Variants in OPN3 observed in about 807,000 individuals in gnomAD.
OPN3 encodes opsin 3.
A neutral mutation model predicts 33.8 loss-of-function variants in OPN3; 29 were observed. That is an observed-to-expected ratio of 0.86 (90% confidence interval 0.64 to 1.17). The LOEUF (loss-of-function observed/expected upper bound fraction) is 1.17. Among genes scored for constraint, OPN3 ranks in the 50% most tolerant of loss-of-function variants. The pLI, the probability that OPN3 is intolerant of heterozygous loss-of-function variation, is 0.00. For missense variants in OPN3, 437 were observed against 514.1 expected (o/e 0.85, Z 1.45); for synonymous variants, 216 against 216.1 (o/e 1.00, Z 0.00).
intron 1 of OPN3, 110 bp downstream of exon 1, chr1:241,639,772 C>G (rs1665042915): frequency 2.8e-5 from 29 of 1,017,930 alleles, no homozygotes; most frequent in Non-Finnish European, 3.6e-5. Flanking sequence ...GGCGCGGGGC[C>G]GAGCGGGAAG....
At chr1:241,634,839 G>A (rs748539866) in intron 1 of OPN3, 6 of 1,612,528 alleles carry the variant, frequency 3.7e-6, no homozygotes, top group Non-Finnish European at 5.1e-6. Flanking sequence ...TCATCAGGAT[G>A]TTGTTCATAC....
chr1:241,618,008 A>T (rs1031656913), intron 1 of OPN3, among the ~76,000 whole-genome samples: 2 of 143,702 alleles, frequency 1.4e-5, no homozygotes, highest in African/African-American at 4.9e-5. Flanking sequence ...AGAACTAAAA[A>T]AAATAAATAA....
chr1:241,637,111 G>C (rs1664927731), intron 1 of OPN3, among the ~76,000 whole-genome samples: 1 of 152,198 alleles, frequency 6.6e-6, no homozygotes, highest in African/African-American at 2.4e-5. Context: ...TTAGGCTAAA[G>C]CAACAATACT....
At chr1:241,633,784 G>A (rs750635085) in intron 1 of OPN3, 14 of 1,612,432 alleles carry the variant, frequency 8.7e-6, no homozygotes, top group East Asian at 2.2e-5. Flanking sequence ...AGCATTTCGA[G>A]ATTGCTCTTT....
intron 1 of OPN3, among the ~76,000 whole-genome samples, chr1:241,607,781 AAAGG>A (rs1342130733): frequency 6.6e-6 from 1 of 151,700 alleles, no homozygotes; most frequent in Non-Finnish European, 1.5e-5. Flanking sequence ...AGGAAGGAAG[AAAGG>A]AAGGAAGGGA....
intron 1 of OPN3, chr1:241,635,332 T>C: frequency 2.5e-6 from 4 of 1,614,050 alleles, no homozygotes; most frequent in Middle Eastern, 1.6e-4. Context: ...TAAAATACGA[T>C]AACTGGCTTT....
In OPN3 at chr1:241,593,330, G is replaced by T; in HGVS notation, c.*1098C>A. 2.4e-6 allele frequency: 1 copy of T among 420,382 alleles called. No homozygotes were observed. The highest frequency in any genetic ancestry group is 5.2e-6 in the Non-Finnish European group (1 of 191,710). The allele number at this position is 420,382 out of a possible 1,614,324, so 26.0% of individuals were successfully genotyped here. On this transcript the variant is annotated 3_prime_UTR_variant, in exon 4 of 4. Transcript: ENST00000366554. ...CTTGATTTTTAAAAGCACATTTAGT[G>T]AAATGTTTTCTTTGGTTCATCCTTC... is the stretch of plus-strand genomic sequence containing the variant.
At chr1:241,634,783 AGTTTTT>A (rs1664811966) in intron 1 of OPN3, 2 of 1,613,936 alleles carry the variant, frequency 1.2e-6, no homozygotes, top group Admixed American at 1.7e-5. Flanking sequence ...TTAGTTTTTT[AGTTTTT>A]AAGTATTCTG....
At chr1:241,630,631 C>A (rs1348043836) in intron 1 of OPN3, 1 of 151,908 alleles carries the variant, frequency 6.6e-6, no homozygotes, top group African/African-American at 2.4e-5. Flanking sequence ...GTCTCTTTAA[C>A]CATATATAAA....
At chr1:241,616,319 A>G (rs1446712567) in intron 1 of OPN3, among the ~76,000 whole-genome samples, 2 of 152,144 alleles carry the variant, frequency 1.3e-5, no homozygotes, top group African/African-American at 4.8e-5. Context: ...TGGAATAATG[A>G]CCTGCAAAGC....
chr1:241,600,545 C>T (rs983179861), intron 2 of OPN3: 8 of 152,188 alleles, frequency 5.3e-5, no homozygotes, highest in Admixed American at 1.3e-4. Context: ...TGGCTGGTGC[C>T]TAGTGCTCCT....
chr1:241,628,168 A>G (rs1418112512), intron 1 of OPN3, among the ~76,000 whole-genome samples: 1 of 152,132 alleles, frequency 6.6e-6, no homozygotes, highest in East Asian at 1.9e-4. Flanking sequence ...CAAGGCAGAG[A>G]CTTCTGTTTT....
intron 1 of OPN3, among the ~76,000 whole-genome samples, chr1:241,612,993 T>C (rs1408316957): frequency 6.6e-6 from 1 of 152,220 alleles, no homozygotes; most frequent in African/African-American, 2.4e-5. Flanking sequence ...GCAGCGGGCA[T>C]ACCATCCTGT....
chr1:241,594,628 C>A lies in OPN3; in HGVS notation c.1009G>T (p.Asp337Tyr). 1 of 1,614,104 alleles carries A rather than the reference C, an allele frequency of 6.2e-7. No homozygotes were observed. Reference protein sequence around the residue: ...RLLRCQRPAKDLPAAGSEMQI... With the variant: ...RLLRCQRPAKYLPAAGSEMQI... ...ATTTCACTTCCAGCTGCTGGTAGGT[C>A]TTTAGCAGGCCTCTGGCACCTCAGC... The change falls in exon 4 of 4, where the codon GAC becomes TAC. Residue 337 changes from aspartate (D) to tyrosine (Y), a missense_variant. Coordinates refer to ENST00000366554, the MANE Select transcript of OPN3 (RefSeq NM_014322.3).
chr1:241,629,284 C>T (rs1664523771), intron 1 of OPN3: 1 of 152,034 alleles, frequency 6.6e-6, no homozygotes, highest in African/African-American at 2.4e-5. Flanking sequence ...GTTATAAAGC[C>T]CTTTTTATAG....
At chr1:241,610,041 A>T (rs186185295) in intron 1 of OPN3, among the ~76,000 whole-genome samples, 61 of 152,370 alleles carry the variant, frequency 4.0e-4, no homozygotes, top group Non-Finnish European at 7.3e-4. Flanking sequence ...GTGTAATATA[A>T]ACATTTCAAA....
At chr1:241,597,088 CCCAAGTGCTGGGTTTACTGGCTTGAGCCA>C (rs1213553828) in intron 3 of OPN3, among the ~76,000 whole-genome samples, 1 of 152,082 alleles carries the variant, frequency 6.6e-6, no homozygotes, top group Non-Finnish European at 1.5e-5. Flanking sequence ...CCTCAGCATG[CCCAAGTGCTGGGTTTACTGGCTTGAGCCA>C]CCACACCAGG....
At chr1:241,624,695 A>G (rs1158207346) in intron 1 of OPN3, among the ~76,000 whole-genome samples, 1 of 152,206 alleles carries the variant, frequency 6.6e-6, no homozygotes, top group Non-Finnish European at 1.5e-5. Context: ...ATTGAGATAA[A>G]ACGTGTGAAG....
At chr1:241,615,895 C>G in intron 1 of OPN3, 1 of 456,718 alleles carries the variant, frequency 2.2e-6, no homozygotes, top group Non-Finnish European at 4.4e-6. Flanking sequence ...CCCATGGAGG[C>G]TCTGGCTTCC....
Sources: allele counts gnomAD v4.1 joint callset (sites outside exome capture counted in the v4.1 genomes callset), GRCh38; gene constraint gnomAD v4.1.1; transcripts MANE v1.5; gene names NCBI Gene and HGNC (gene_info 2026-07-23, HGNC 2026-07-21).